The following PARP8 variants were observed in gnomAD, a reference collection of about 807,000 sequenced individuals.
PARP8 encodes the protein protein mono-ADP-ribosyltransferase PARP8.
In PARP8, 51 loss-of-function variants were observed where a neutral mutation model predicts 124.1. The observed-to-expected ratio is 0.41, with a 90% CI of 0.33 to 0.52. The LOEUF (loss-of-function observed/expected upper bound fraction) is 0.52. PARP8 is among the 20% of genes least tolerant of loss of function. The pLI is 0.21. For missense variants in PARP8, 860 were observed against 1,018.9 expected (o/e 0.84, Z 2.12); for synonymous variants, 391 against 361.5 (o/e 1.08, Z -0.93).
intron 7 of PARP8, among the ~76,000 whole-genome samples, chr5:50,770,539 A>AAGAG: frequency 6.6e-6 from 1 of 151,432 alleles, no homozygotes; most frequent in East Asian, 1.9e-4. Context: ...AAAAGAGAGA[A>AAGAG]AGAGAGAGAG....
intron 15 of PARP8, among the ~76,000 whole-genome samples, chr5:50,818,906 C>G (rs1745428688): frequency 6.6e-6 from 1 of 152,138 alleles, no homozygotes. Context: ...TGTGTGGTGA[C>G]CGGGGGGACT....
chr5:50,834,958 A>G lies in PARP8; in HGVS notation c.2405A>G (p.His802Arg). Residue 802 changes from histidine to arginine, a missense_variant, in exon 25 of 26, where the codon CAT (histidine) becomes CGT (arginine). His to Arg is a conservative substitution (Grantham distance 29). This residue lies in a region of PARP8 where 343 missense variants were observed against 474.7 expected (regional missense o/e 0.72). Coordinates refer to ENST00000281631, the MANE Select transcript of PARP8 (RefSeq NM_024615.4). ...ATCACCTCATCTGACCTGCACAAAC[A>G]TGGAGAGATATGGGTTGTCCCCAAT... ...EVITSSDLHK[H>R]GEIWVVPNTD... 1 of 1,613,512 alleles carries G rather than the reference A, an allele frequency of 6.2e-7. No individual in the cohort carries two copies. The highest frequency in any genetic ancestry group is 8.5e-7 in the Non-Finnish European group (1 of 1,179,650).
In PARP8 at chr5:50,842,746, G is replaced by T. The variant is rs997245596; in HGVS notation, c.*678G>T. Reference sequence around the variant, plus strand: ...TTCTATCCTCGTTTAATGGAAAGAAGATAATATTTAGTAAGCAATAAATTT... The same window carrying T: ...TTCTATCCTCGTTTAATGGAAAGAATATAATATTTAGTAAGCAATAAATTT... On this transcript the variant is annotated 3_prime_UTR_variant, in exon 26 of 26. Coordinates refer to ENST00000281631, the MANE Select transcript of PARP8 (RefSeq NM_024615.4). 6.6e-6 allele frequency: 1 copy of T among 151,640 alleles called. No homozygotes were observed. Among genetic ancestry groups the T allele is most frequent in the Non-Finnish European group, 1.5e-5 (1 of 67,742 alleles). The allele number at this position is 151,640 out of a possible 1,614,324, so 9.4% of individuals were successfully genotyped here.
chr5:50,759,528 A>G (rs1169528008), intron 3 of PARP8, 115 bp from the exon 4 acceptor site: 3 of 1,167,916 alleles, frequency 2.6e-6, no homozygotes, highest in Admixed American at 3.8e-5. Flanking sequence ...ACAGTAGTGT[A>G]TGCTTTATGA....
chr5:50,700,561 T>C (rs1580004440), intron 2 of PARP8, among the ~76,000 whole-genome samples: 8 of 152,336 alleles, frequency 5.3e-5, no homozygotes, highest in Admixed American at 4.6e-4. Context: ...TGCAGTGAAA[T>C]TGGAGACTTA....
At chr5:50,707,162 G>T (rs1754237524) in intron 2 of PARP8, among the ~76,000 whole-genome samples, 1 of 152,036 alleles carries the variant, frequency 6.6e-6, no homozygotes, top group African/African-American at 2.4e-5. Flanking sequence ...TCAGACGCTT[G>T]TCAGACATGC....
At chr5:50,840,381 C>A (rs1748050895) in intron 25 of PARP8, among the ~76,000 whole-genome samples, 1 of 151,730 alleles carries the variant, frequency 6.6e-6, no homozygotes, top group Non-Finnish European at 1.5e-5. Flanking sequence ...AAAATGGAAA[C>A]AAGATAGCTT....
intron 21 of PARP8, 109 bp downstream of exon 21, chr5:50,828,493 G>T (rs1427317338): frequency 3.2e-6 from 3 of 926,998 alleles, no homozygotes; most frequent in Non-Finnish European, 5.0e-6. Context: ...ATGTGAGTAA[G>T]ACATTATATG....
rs188930623 is a variant in PARP8, at chr5:50,796,789, G to T, written c.1429-193G>T. Among the ~76,000 whole-genome samples the T allele has an allele frequency of 2.2e-4, 34 of 152,244 alleles. 1 individual carries two copies. The East Asian group carries it at 6.4e-3, about 29-fold the overall frequency. On this transcript the variant is annotated intron_variant, in intron 12 of 25. Transcript: ENST00000281631. The stretch of plus-strand genomic sequence containing the variant: ...TTTACTGTAGGCAAAAATTGCATTA[G>T]TAATGGTAGAAAGGGTATTTATAAT...
intron 2 of PARP8, among the ~76,000 whole-genome samples, chr5:50,721,331 C>G (rs1755858173): frequency 6.6e-6 from 1 of 152,008 alleles, no homozygotes; most frequent in Non-Finnish European, 1.5e-5. Flanking sequence ...CCCCCATCAC[C>G]CCAGGTAGAG....
chr5:50,759,206 A>G (rs1760285928), intron 3 of PARP8, among the ~76,000 whole-genome samples: 1 of 152,138 alleles, frequency 6.6e-6, no homozygotes, highest in African/African-American at 2.4e-5. Flanking sequence ...GGTGTGAGCC[A>G]CTGTGCCCGG....
At chr5:50,747,157 TGTTTTG>T (rs1758651751) in intron 2 of PARP8, among the ~76,000 whole-genome samples, 3 of 133,548 alleles carry the variant, frequency 2.2e-5, no homozygotes, top group Admixed American at 7.4e-5. Context: ...TTTGTTTGTT[TGTTTTG>T]TTTTTTTTTT....
At position 50,845,365 on chromosome 5, in the gene PARP8, C is replaced by G. The variant is rs148217132; in HGVS notation, c.*3297C>G. On this transcript the variant is annotated 3_prime_UTR_variant, in exon 26 of 26. Coordinates refer to ENST00000281631, the MANE Select transcript of PARP8 (RefSeq NM_024615.4). The stretch of plus-strand genomic sequence containing the variant: ...AATTTAATATGTCATGAAGGGGACA[C>G]TCAACATTGGGTCATCTACCGTCTA... 9.2e-5 allele frequency: 14 copies of G among 151,668 alleles called. No individual in the cohort carries two copies. Among genetic ancestry groups the G allele is most frequent in the Admixed American group, 4.0e-4 (6 of 15,178 alleles). The allele number at this position is 151,668 out of a possible 1,614,324, so 9.4% of individuals were successfully genotyped here.
chr5:50,830,150 G>A (rs1469341053), intron 22 of PARP8, among the ~76,000 whole-genome samples, 189 bp downstream of exon 22: 1 of 152,082 alleles, frequency 6.6e-6, no homozygotes. Context: ...TAGTGTACAA[G>A]ATGGAATATA....
intron 19 of PARP8, 81 bp downstream of exon 19, chr5:50,826,884 T>TAAAATGATCCA: frequency 6.6e-7 from 1 of 1,525,322 alleles, no homozygotes; most frequent in South Asian, 1.3e-5. Context: ...ACCTTGTAAT[T>TAAAATGATCCA]TTTAGCCAGA....
intron 2 of PARP8, among the ~76,000 whole-genome samples, chr5:50,714,466 T>G (rs989557773): frequency 1.3e-5 from 2 of 152,142 alleles, no homozygotes; most frequent in African/African-American, 4.8e-5. Context: ...GCAGGTTTGT[T>G]ACATAGGTAT....
intron 6 of PARP8, among the ~76,000 whole-genome samples, chr5:50,762,225 CT>C (rs1760619531): frequency 6.6e-6 from 1 of 152,050 alleles, no homozygotes; most frequent in African/African-American, 2.4e-5. Flanking sequence ...GATAATGACA[CT>C]TGTAATAAAA....
chr5:50,833,118 T>C (rs1037156328), intron 23 of PARP8, among the ~76,000 whole-genome samples: 13 of 152,166 alleles, frequency 8.5e-5, no homozygotes, highest in Non-Finnish European at 1.6e-4. Flanking sequence ...TAGACACATA[T>C]TCCGTCTCTT....
intron 18 of PARP8, 128 bp downstream of exon 18, chr5:50,825,103 T>G: frequency 1.4e-6 from 1 of 737,646 alleles, no homozygotes; most frequent in South Asian, 1.8e-5. Flanking sequence ...TTCTACAAGC[T>G]TATGAGACCT....
Sources: gnomAD v4.1 joint callset for allele counts (sites outside exome capture counted in the v4.1 genomes callset) on GRCh38, gnomAD v4.1.1 for gene constraint, gnomAD v4.1.1 regional missense constraint, MANE v1.5 for transcripts, NCBI Gene and HGNC (gene_info 2026-07-23, HGNC 2026-07-21) for gene names.